The following POLM variants were observed in gnomAD, a reference collection of about 807,000 sequenced individuals.
The protein encoded by POLM is DNA polymerase mu.
POLM carries 52 observed loss-of-function variants against 56.7 expected under a neutral mutation model. The observed-to-expected ratio is 0.92, with a 90% CI of 0.73 to 1.15. The LOEUF is 1.15. Ranked by LOEUF, POLM falls within the 50% of genes most tolerant of loss-of-function variation. The pLI is 0.00. For missense variants in POLM, 660 were observed against 663.6 expected (o/e 0.99, Z 0.06); for synonymous variants, 273 against 274.3 (o/e 1.00, Z 0.05).
At position 44,073,112 on chromosome 7, in the gene POLM, C is replaced by T; in HGVS notation, c.*179G>A. The T allele has an allele frequency of 6.8e-7, 1 of 1,481,108 alleles. No individual in the cohort carries two copies. Among genetic ancestry groups the T allele is most frequent in the Non-Finnish European group, 9.0e-7 (1 of 1,116,828 alleles). The allele number at this position is 1,481,108 out of a possible 1,614,324, so 91.7% of individuals were successfully genotyped here. ...AGGGCTCCCACCTCATCACACCCTG[C>T]AGCACACCAGCAGGGGCTCAACTGA... On this transcript the variant is annotated 3_prime_UTR_variant, in exon 11 of 11. Transcript: ENST00000242248.
chr7:44,079,837 C>G, intron 3 of POLM, 24 bp downstream of exon 3: 1 of 1,613,276 alleles, frequency 6.2e-7, no homozygotes, highest in East Asian at 2.2e-5. Flanking sequence ...CCAGGGCTGG[C>G]CAAGGCTCAT....
chr7:44,073,180 G>A lies in POLM; in HGVS notation c.*111C>T, dbSNP rs554385658. On this transcript the variant is annotated 3_prime_UTR_variant, in exon 11 of 11. Transcript: ENST00000242248. ...ACCTCCGGAAGAGCCAGGCCTTGGC[G>A]GGGAGGGGTGAAGGTGGGGGTCAGG... 14 of 1,580,996 alleles carry A rather than the reference G, an allele frequency of 8.9e-6. No individual in the cohort carries two copies. Among genetic ancestry groups the A allele is most frequent in the East Asian group, 2.3e-5 (1 of 43,512 alleles).
chr7:44,078,769 G>T lies in POLM; in HGVS notation c.685C>A (p.Arg229=). The T allele has an allele frequency of 4.3e-6, 7 of 1,613,950 alleles. No homozygotes were observed. Among genetic ancestry groups the T allele is most frequent in the Non-Finnish European group, 5.9e-6 (7 of 1,179,918 alleles). The stretch of plus-strand genomic sequence containing the variant: ...ATGGTCTGGTACCTCTCTGAGCGCC[G>T]AACTCTCTCCACCTCCTCACACACT... ...HGVCEEVERV[R]RSERYQTMKL... is the part of the protein sequence containing the mutation. The change falls in exon 5 of 11, where the codon CGG becomes AGG. Residue 229 remains arginine (R), a synonymous_variant. Transcript: ENST00000242248.
rs1360997907 is a variant in POLM, at chr7:44,073,373, G to C, written c.1403C>G (p.Thr468Arg). The C allele has an allele frequency of 1.2e-6, 2 of 1,613,896 alleles. No homozygotes were observed. The highest frequency in any genetic ancestry group is 2.2e-5 in the South Asian group (2 of 91,074). The change falls in exon 11 of 11, where the codon ACA (threonine) becomes AGA (arginine). Residue 468 changes from threonine (T) to arginine (R), a missense_variant. By Grantham distance (71) the Thr-to-Arg change is moderately conservative. Coordinates refer to ENST00000242248, the MANE Select transcript of POLM (RefSeq NM_013284.4). ...SHGLFDPEQK[T>R]FFQAASEEDI... is the part of the protein sequence containing the mutation. ...TTCCTCTGAAGCCGCTTGGAAAAAT[G>C]TCTTCTGCAACAGAAGCAGGACTTC...
chr7:44,074,230 C>A lies in POLM; in HGVS notation c.972G>T (p.Gly324=). ...TVTLTGGFRR[G]KLQGHDVDFL... ...AGTCCACGTCATGGCCCTGCAACTT[C>A]CCCCTGAGGGCGTCAGTCTGACTCT... is the stretch of plus-strand genomic sequence containing the variant. Residue 324 remains glycine, a synonymous_variant, in exon 8 of 11, where the codon GGG becomes GGT. Transcript: ENST00000242248. 1 of 1,576,440 alleles carries A rather than the reference C, an allele frequency of 6.3e-7. No homozygotes were observed. Among genetic ancestry groups the A allele is most frequent in the South Asian group, 1.2e-5 (1 of 86,646 alleles).
rs778897319 is a variant in POLM, at chr7:44,082,285, G to C, written c.154C>G (p.Arg52Gly). ...TCAAGGACGCGGAAGCCTTTGGAGC[G>C]CGCCAGGCCTGTGAGGAAGGCCCGG... ...SRRAFLTGLARSKGFRVLDAC... is the reference protein window; with the variant it reads ...SRRAFLTGLAGSKGFRVLDAC... Residue 52 changes from arginine (R) to glycine (G), a missense_variant, in exon 1 of 11, where the codon CGC becomes GGC. Coordinates refer to ENST00000242248, the MANE Select transcript of POLM (RefSeq NM_013284.4). The C allele has an allele frequency of 6.5e-7, 1 of 1,530,478 alleles. No individual in the cohort carries two copies. Among genetic ancestry groups the C allele is most frequent in the Non-Finnish European group, 8.7e-7 (1 of 1,146,804 alleles). The allele number at this position is 1,530,478 out of a possible 1,614,324, so 94.8% of individuals were successfully genotyped here. A position where few individuals can be genotyped will look rare whatever the true frequency, so the allele number is the denominator to read the frequency against.
chr7:44,077,444 G>T (rs928742235), intron 5 of POLM, among the ~76,000 whole-genome samples: 2 of 152,204 alleles, frequency 1.3e-5, no homozygotes, highest in African/African-American at 4.8e-5. Flanking sequence ...CAACGGTGTG[G>T]GGTGGGTCAC....
At position 44,076,531 on chromosome 7, in the gene POLM, T is replaced by A; in HGVS notation, c.813A>T (p.Lys271Asn). 6.2e-7 allele frequency: 1 copy of A among 1,613,952 alleles called. No individual in the cohort carries two copies. Among genetic ancestry groups the A allele is most frequent in the Non-Finnish European group, 8.5e-7 (1 of 1,179,986 alleles). The change falls in exon 6 of 11, where the codon AAA becomes AAT. Residue 271 changes from lysine to asparagine, a missense_variant. Transcript: ENST00000242248. ...CACCCGCTTTCTGCTGTTGGGTTAG[T>A]TTCTGGGGCTGCTCTCGGAGGTCAT... The part of the protein sequence containing the change: ...TLDDLREQPQ[K>N]LTQQQKAGLQ...
chr7:44,075,844 T>G (rs1392608705), intron 6 of POLM: 1 of 151,638 alleles, frequency 6.6e-6, no homozygotes, highest in African/African-American at 2.4e-5. Context: ...GCTCGAGCGA[T>G]CCTTGTACCT....
intron 4 of POLM, 43 bp downstream of exon 4, chr7:44,079,528 T>TGCC: frequency 1.7e-5 from 25 of 1,506,298 alleles, no homozygotes; most frequent in East Asian, 7.2e-5. Flanking sequence ...CCCCAAGGCC[T>TGCC]CCCCACCCAC....
chr7:44,080,922 G>T lies in POLM; in HGVS notation c.189-6C>A, dbSNP rs201483945. The T allele has an allele frequency of 8.1e-4, 1,255 of 1,554,506 alleles. 26 individuals are homozygous for T. The South Asian group carries it at 0.015, about 18-fold the overall frequency. On this transcript the variant is annotated splice_polypyrimidine_tract_variant and splice_region_variant and intron_variant, in intron 1 of 10. Transcript: ENST00000242248. The stretch of plus-strand genomic sequence containing the variant: ...CAACATGTGTCGCTTCGGAGCTGGT[G>T]GAGGGAGTTGGGAGAGAAGGAGGAG...
rs2096170846 is a variant in POLM, at chr7:44,072,341, G to A, written c.*950C>T. The A allele has an allele frequency of 6.6e-6, 1 of 152,252 alleles. No individual in the cohort carries two copies. The highest frequency in any genetic ancestry group is 1.5e-5 in the Non-Finnish European group (1 of 68,050). 9.4% of individuals were successfully genotyped at this position (152,252 alleles called of 1,614,324 possible). ...GCTTTTGATTCAAGGCCTGAAGAAG[G>A]GGAGGGCCCACTCCAGGTAGATGAC... On this transcript the variant is annotated 3_prime_UTR_variant, in exon 11 of 11. Coordinates refer to ENST00000242248, the MANE Select transcript of POLM (RefSeq NM_013284.4).
rs557968202 is a variant in POLM, at chr7:44,073,698, C to A, written c.1325G>T (p.Arg442Leu). Residue 442 changes from arginine to leucine, a missense_variant, in exon 10 of 11, where the codon CGG becomes CTG. Coordinates refer to ENST00000242248, the MANE Select transcript of POLM (RefSeq NM_013284.4). ...LGWTGSKLFQ[R>L]ELRRFSRKEK... ...CTTCCGGCTGAAGCGGCGCAGCTCC[C>A]GCTGGAAAAGCTGTAGGGAAGGGAT... 6.8e-6 allele frequency: 11 copies of A among 1,614,060 alleles called. No homozygotes were observed. Among genetic ancestry groups the A allele is most frequent in the Admixed American group, 3.3e-5 (2 of 60,014 alleles).
intron 1 of POLM, 136 bp from the exon 2 acceptor site, chr7:44,081,052 A>G: frequency 1.5e-6 from 1 of 659,628 alleles, no homozygotes; most frequent in East Asian, 2.9e-5. Flanking sequence ...TCCTCCAGAA[A>G]GCCTTCCCAG....
Position 44,074,180 on chromosome 7 carries a change from C to A in POLM, c.1022G>T (p.Gly341Val). Residue 341 changes from glycine to valine, a missense_variant, in exon 8 of 11, where the codon GGT becomes GTT. By Grantham distance (109) the Gly-to-Val change is moderately radical. Coordinates refer to ENST00000242248, the MANE Select transcript of POLM (RefSeq NM_013284.4). ...TCTAGGCAGCAGCCCCGCCTCCTGA[C>A]CCTCCTTGGGGTGGGTGATGAGGAA... ...VDFLITHPKE[G>V]QEAGLLPRVM... 1 of 1,601,944 alleles carries A rather than the reference C, an allele frequency of 6.2e-7. No homozygotes were observed. The highest frequency in any genetic ancestry group is 8.5e-7 in the Non-Finnish European group (1 of 1,174,820).
chr7:44,077,376 G>A lies in POLM; in HGVS notation c.715-747C>T, dbSNP rs28382650. ...GCTGAGCCCAGTTGTCCTGCAGACC[G>A]GCCACAGCCCTCCCCATCCTGGGCT... On this transcript the variant is annotated intron_variant, in intron 5 of 10. Transcript: ENST00000242248. Among the ~76,000 whole-genome samples, 57 of 152,328 alleles carry A rather than the reference G, an allele frequency of 3.7e-4. 2 individuals are homozygous for A. The highest frequency in any genetic ancestry group is 1.9e-3 in the South Asian group (9 of 4,830).
intron 4 of POLM, 38 bp downstream of exon 4, chr7:44,079,533 A>AAACCCCG: frequency 2.6e-6 from 2 of 768,086 alleles, no homozygotes; most frequent in Non-Finnish European, 2.2e-6. Context: ...AGGCCTCCCC[A>AAACCCCG]CCCACCCACT....
chr7:44,081,775 T>C lies in POLM; in HGVS notation c.188+476A>G, dbSNP rs1158422045. 1.3e-3 allele frequency among the ~76,000 whole-genome samples: 182 copies of C among 142,306 alleles called. 1 individual carries two copies. The highest frequency in any genetic ancestry group is 4.8e-3 in the African/African-American group (179 of 36,978). The allele number at this position is 142,306 out of a possible 152,430, so 93.4% of individuals were successfully genotyped here. On this transcript the variant is annotated intron_variant, in intron 1 of 10. Coordinates refer to ENST00000242248, the MANE Select transcript of POLM (RefSeq NM_013284.4). ...TTTTTTTTTTTTTTGAGACAGAGTCTCACTCTGTCGCCCAGGCTGGAGTGC... is the reference window on the plus strand; with the variant it reads ...TTTTTTTTTTTTTTGAGACAGAGTCCCACTCTGTCGCCCAGGCTGGAGTGC...
chr7:44,080,046 T>C, intron 2 of POLM, 87 bp from the exon 3 acceptor site: 1 of 970,968 alleles, frequency 1.0e-6, no homozygotes, highest in Non-Finnish European at 1.6e-6. Flanking sequence ...TCTCCTGGGG[T>C]GTCCAACTCG....
Sources: allele counts gnomAD v4.1 joint callset (sites outside exome capture counted in the v4.1 genomes callset), GRCh38; gene constraint gnomAD v4.1.1; transcripts MANE v1.5; gene names NCBI Gene and HGNC (gene_info 2026-07-23, HGNC 2026-07-21).